The following SHROOM2 variants were observed in gnomAD, a reference collection of about 807,000 sequenced individuals.
SHROOM2 encodes shroom family member 2.
In SHROOM2, 33 loss-of-function variants were observed where a neutral mutation model predicts 75.9. The observed-to-expected ratio is 0.43, with a 90% CI of 0.33 to 0.58. SHROOM2 has a LOEUF of 0.58. SHROOM2 is among the 20% of genes least tolerant of loss of function. The pLI, the probability that SHROOM2 is intolerant of heterozygous loss-of-function variation, is 0.04. For missense variants in SHROOM2, 1,434 were observed against 1,461.2 expected (o/e 0.98, Z 0.30); for synonymous variants, 655 against 663.6 (o/e 0.99, Z 0.20).
At chrX:9,842,472 T>C (rs1294739173) in intron 1 of SHROOM2, among the ~76,000 whole-genome samples, 2 of 112,383 alleles carry the variant, frequency 1.8e-5, no homozygotes, top group Non-Finnish European at 3.8e-5. Flanking sequence ...CCTGGTGTCC[T>C]TGGGAGGAAA....
chrX:9,935,322 ATTATTATTATTAT>A (rs2084691367), intron 6 of SHROOM2, among the ~76,000 whole-genome samples: 1 of 104,276 alleles, frequency 9.6e-6, no homozygotes. Context: ...TATTATTATT[ATTATTATTATTAT>A]TTATTATTAT....
chrX:9,847,714 C>G (rs1196733422), intron 1 of SHROOM2, among the ~76,000 whole-genome samples: 1 of 111,947 alleles, frequency 8.9e-6, no homozygotes, highest in African/African-American at 3.2e-5. Flanking sequence ...GTTATCCTTA[C>G]TAGCACTTTT....
At chrX:9,832,775 C>T (rs1042982114) in intron 1 of SHROOM2, among the ~76,000 whole-genome samples, 11 of 111,237 alleles carry the variant, frequency 9.9e-5, no homozygotes, top group African/African-American at 3.6e-4. Flanking sequence ...TCACTCTGAG[C>T]CCGCTTCTCT....
intron 1 of SHROOM2, among the ~76,000 whole-genome samples, chrX:9,837,669 G>A (rs1016325179): frequency 7.1e-5 from 8 of 112,179 alleles, no homozygotes; most frequent in African/African-American, 2.6e-4. Flanking sequence ...ACAGCACCAG[G>A]TGGCCAGACT....
chrX:9,932,817 C>T lies in SHROOM2; in HGVS notation c.3534C>T (p.Pro1178=), dbSNP rs753312426. Residue 1178 remains proline, a synonymous_variant, in exon 6 of 10, where the codon CCC becomes CCT. Transcript: ENST00000380913. ...GCTCCCCCTCGCCCCAGTTCGCCCCCCAGAAACTGACGGACAAACCTCCCC... is the reference window on the plus strand; with the variant it reads ...GCTCCCCCTCGCCCCAGTTCGCCCCTCAGAAACTGACGGACAAACCTCCCC... ...TSRSPSPQFA[P]QKLTDKPPLL... is the part of the protein sequence containing the mutation. 2.5e-6 allele frequency: 3 copies of T among 1,204,279 alleles called. No homozygotes were observed. In the Admixed American group the frequency reaches 6.6e-5, roughly 26 times the overall value.
chrX:9,942,343 C>T (rs1459292590), intron 8 of SHROOM2, among the ~76,000 whole-genome samples: 2 of 111,428 alleles, frequency 1.8e-5, no homozygotes, highest in African/African-American at 3.3e-5. Flanking sequence ...CAGCAGACAC[C>T]AGCTGGGTGG....
At position 9,937,416 on chromosome X, in the gene SHROOM2, C is replaced by G; in HGVS notation, c.3870C>G (p.Pro1290=). The part of the protein sequence containing the change: ...EPQPLGTQVP[P]EKDRCTSPPG... The stretch of plus-strand genomic sequence containing the variant: ...AGCCCCTGGGCACCCAGGTGCCCCC[C>G]GAGAAAGACCGCTGCACCTCCCCTC... Residue 1290 remains proline (P), a synonymous_variant, in exon 7 of 10, where the codon CCC becomes CCG. Coordinates refer to ENST00000380913, the MANE Select transcript of SHROOM2 (RefSeq NM_001649.4). 4.1e-6 allele frequency: 5 copies of G among 1,209,698 alleles called. No homozygotes were observed. The highest frequency in any genetic ancestry group is 5.6e-6 in the Non-Finnish European group (5 of 894,576).
At chrX:9,872,246 A>G (rs1009309767) in intron 1 of SHROOM2, among the ~76,000 whole-genome samples, 2 of 112,743 alleles carry the variant, frequency 1.8e-5, no homozygotes, top group African/African-American at 6.4e-5. Flanking sequence ...ACTTTACTGT[A>G]TAGGAAAATC....
chrX:9,883,741 C>A (rs1474258021), intron 2 of SHROOM2, among the ~76,000 whole-genome samples: 1 of 111,324 alleles, frequency 9.0e-6, no homozygotes, highest in Non-Finnish European at 1.9e-5. Context: ...GAGGAAGAAG[C>A]CTTCCGGAGG....
intron 5 of SHROOM2, among the ~76,000 whole-genome samples, chrX:9,899,304 G>A (rs1301691050): frequency 9.0e-6 from 1 of 110,554 alleles, no homozygotes; most frequent in Non-Finnish European, 1.9e-5. Flanking sequence ...ATCACACGAG[G>A]AGGGCAGGCA....
At chrX:9,885,951 A>G (rs199773306) in intron 2 of SHROOM2, among the ~76,000 whole-genome samples, 27 of 60,865 alleles carry the variant, frequency 4.4e-4, no homozygotes, top group African/African-American at 3.2e-3. Context: ...AGAGCCTGTC[A>G]AAAAAAAAAA....
At chrX:9,836,002 G>A (rs2146763812) in intron 1 of SHROOM2, among the ~76,000 whole-genome samples, 1 of 112,323 alleles carries the variant, frequency 8.9e-6, no homozygotes, top group South Asian at 3.7e-4. Flanking sequence ...GAGCAGCTGA[G>A]CCTGGAAGCT....
intron 5 of SHROOM2, among the ~76,000 whole-genome samples, chrX:9,925,229 A>T (rs2084583130): frequency 9.0e-6 from 1 of 111,532 alleles, no homozygotes; most frequent in Non-Finnish European, 1.9e-5. Context: ...GACAGTGGAG[A>T]CACCAGGTAC....
chrX:9,928,619 C>T (rs974467122), intron 5 of SHROOM2, among the ~76,000 whole-genome samples: 1 of 111,696 alleles, frequency 9.0e-6, no homozygotes, highest in Non-Finnish European at 1.9e-5. Flanking sequence ...CACACACTCA[C>T]AACATGCATC....
In SHROOM2 at chrX:9,873,585, G is replaced by A. The variant is rs990599228; in HGVS notation, c.166-67G>A. 7.7e-6 allele frequency: 9 copies of A among 1,164,199 alleles called. No individual in the cohort carries two copies. The Admixed American group carries it at 8.8e-5, about 11-fold the overall frequency. Reference sequence around the variant, plus strand: ...GTGTGAGGTATGTCTGCTGCGTTCCGAGGACCTGCTCTGCCTCAGGAATTG... The same window carrying A: ...GTGTGAGGTATGTCTGCTGCGTTCCAAGGACCTGCTCTGCCTCAGGAATTG... On this transcript the variant is annotated intron_variant, in intron 1 of 9. Coordinates refer to ENST00000380913, the MANE Select transcript of SHROOM2 (RefSeq NM_001649.4).
At chrX:9,936,207 G>A (rs954694137) in intron 6 of SHROOM2, among the ~76,000 whole-genome samples, 1 of 110,347 alleles carries the variant, frequency 9.1e-6, no homozygotes, top group Non-Finnish European at 1.9e-5. Context: ...TGCTTCCCAG[G>A]TTCAAGCGAT....
At chrX:9,897,485 G>A (rs1338453944) in intron 4 of SHROOM2, among the ~76,000 whole-genome samples, 2 of 106,331 alleles carry the variant, frequency 1.9e-5, no homozygotes, top group South Asian at 4.2e-4. Context: ...TTGGAAGACC[G>A]AGGAAGGATG....
chrX:9,878,305 G>C (rs1286275154), intron 2 of SHROOM2, among the ~76,000 whole-genome samples: 2 of 111,465 alleles, frequency 1.8e-5, no homozygotes, highest in Non-Finnish European at 3.8e-5. Context: ...GTCACTTCCT[G>C]CCTCTTTGCT....
intron 1 of SHROOM2, among the ~76,000 whole-genome samples, chrX:9,829,944 T>TTTTTTTATTTTA (rs1555925123): frequency 9.3e-6 from 1 of 107,307 alleles, no homozygotes; most frequent in Non-Finnish European, 1.9e-5. Flanking sequence ...TGGCCCAGTT[T>TTTTTTTATTTTA]TTTTTATTTT....
Sources: allele counts gnomAD v4.1 joint callset (sites outside exome capture counted in the v4.1 genomes callset), GRCh38; gene constraint gnomAD v4.1.1; transcripts MANE v1.5; gene names NCBI Gene and HGNC (gene_info 2026-07-23, HGNC 2026-07-21).